The following FKBP5 variants were observed in gnomAD, a reference collection of about 807,000 sequenced individuals.
FKBP5 encodes FKBP prolyl isomerase 5, also known as peptidyl-prolyl cis-trans isomerase FKBP5.
In FKBP5, 23 loss-of-function variants were observed where a neutral mutation model predicts 50.5. The observed-to-expected ratio is 0.46, with a 90% CI of 0.33 to 0.65. The LOEUF is 0.65. FKBP5 is among the 30% of genes least tolerant of loss of function. The pLI is 0.02. For missense variants in FKBP5, 411 were observed against 553.1 expected (o/e 0.74, Z 2.58); for synonymous variants, 176 against 190.6 (o/e 0.92, Z 0.63).
chr6:35,720,683 A>C (rs949979113), intron 1 of FKBP5: 2 of 152,248 alleles, frequency 1.3e-5, no homozygotes, highest in Non-Finnish European at 2.9e-5. Context: ...TGCCTGTCTC[A>C]TGCATCAGAG....
chr6:35,581,958 T>C (rs915994783), intron 8 of FKBP5: 14 of 985,312 alleles, frequency 1.4e-5, no homozygotes, highest in South Asian at 4.7e-5. Flanking sequence ...AGAAAAACCA[T>C]AGAGCAGGTC....
At position 35,707,463 on chromosome 6, in the gene FKBP5, C is replaced by T. The variant is rs191161449; in HGVS notation, c.-20+12865G>A. Among the ~76,000 whole-genome samples the T allele has an allele frequency of 5.1e-3, 780 of 152,030 alleles. 3 individuals are homozygous for T. The highest frequency in any genetic ancestry group is 8.8e-3 in the Non-Finnish European group (599 of 67,938). On this transcript the variant is annotated intron_variant, in intron 2 of 11. Coordinates refer to the FKBP5 transcript ENST00000536438. ...CTCGAACTCCTGACCTCAGGTAATC[C>T]GCCCGCCTCGGCCTCCCAAAGTGCT...
At chr6:35,670,101 ATAAAT>A (rs1006830497) in intron 1 of FKBP5, among the ~76,000 whole-genome samples, 2 of 152,220 alleles carry the variant, frequency 1.3e-5, no homozygotes, top group Non-Finnish European at 2.9e-5. Flanking sequence ...AATATAAATT[ATAAAT>A]TAAAGAAAAC....
At chr6:35,631,954 CAAAAAAAAAA>C (rs763457961) in intron 3 of FKBP5, among the ~76,000 whole-genome samples, 21 of 63,778 alleles carry the variant, frequency 3.3e-4, no homozygotes, top group African/African-American at 8.8e-4. Context: ...GACTCTGTCT[CAAAAAAAAAA>C]AAAAAAAAAA....
intron 5 of FKBP5, among the ~76,000 whole-genome samples, chr6:35,615,526 C>T (rs762020821): frequency 1.3e-5 from 2 of 151,910 alleles, no homozygotes; most frequent in Non-Finnish European, 2.9e-5. Flanking sequence ...AAATCTGGGA[C>T]AATGTGAACA....
chr6:35,644,974 G>A (rs1048945017), intron 1 of FKBP5, among the ~76,000 whole-genome samples: 11 of 152,142 alleles, frequency 7.2e-5, no homozygotes, highest in African/African-American at 2.7e-4. Flanking sequence ...TATTGGGAAA[G>A]TACCCCACAG....
intron 1 of FKBP5, among the ~76,000 whole-genome samples, chr6:35,722,178 T>A (rs1766623099): frequency 6.6e-6 from 1 of 151,216 alleles, no homozygotes; most frequent in Admixed American, 6.6e-5. Flanking sequence ...TTTGTTCTGT[T>A]TTTTTTTTAT....
chr6:35,612,104 G>T (rs1054152902), intron 5 of FKBP5, among the ~76,000 whole-genome samples: 1 of 151,966 alleles, frequency 6.6e-6, no homozygotes, highest in African/African-American at 2.4e-5. Flanking sequence ...AGAAAAAGAG[G>T]AGTCAGCCAG....
intron 1 of FKBP5, among the ~76,000 whole-genome samples, chr6:35,648,691 G>T (rs1764700139): frequency 6.6e-6 from 1 of 152,180 alleles, no homozygotes; most frequent in South Asian, 2.1e-4. Flanking sequence ...GCTCAAGCCT[G>T]TAATCCTAGC....
chr6:35,713,348 G>A (rs1766449496), intron 2 of FKBP5, among the ~76,000 whole-genome samples: 1 of 152,232 alleles, frequency 6.6e-6, no homozygotes, highest in African/African-American at 2.4e-5. Context: ...GCCTCATTAT[G>A]AAGACCGTTG....
At chr6:35,687,505 G>A (rs1765861120) in intron 1 of FKBP5, among the ~76,000 whole-genome samples, 1 of 152,106 alleles carries the variant, frequency 6.6e-6, no homozygotes, top group Non-Finnish European at 1.5e-5. Context: ...AAACCCTTAT[G>A]GAGGAGGTGG....
intron 2 of FKBP5, among the ~76,000 whole-genome samples, chr6:35,715,298 G>A (rs1376630195): frequency 6.6e-6 from 1 of 152,138 alleles, no homozygotes; most frequent in Non-Finnish European, 1.5e-5. Context: ...TACTAGGCAC[G>A]TCAGCTTAGG....
intron 1 of FKBP5, among the ~76,000 whole-genome samples, chr6:35,672,134 C>T (rs1313648577): frequency 6.6e-6 from 1 of 152,134 alleles, no homozygotes. Flanking sequence ...TCCCAAAGTG[C>T]TGGGATTACA....
At chr6:35,662,683 C>T (rs1765104993) in intron 1 of FKBP5, among the ~76,000 whole-genome samples, 1 of 152,082 alleles carries the variant, frequency 6.6e-6, no homozygotes, top group African/African-American at 2.4e-5. Flanking sequence ...ACAAGGATTA[C>T]CTAGCTATCA....
At chr6:35,628,825 C>G (rs1764071095) in intron 3 of FKBP5, among the ~76,000 whole-genome samples, 1 of 152,148 alleles carries the variant, frequency 6.6e-6, no homozygotes, top group South Asian at 2.1e-4. Flanking sequence ...TCAAGTGATT[C>G]TCCTGCCTCA....
At chr6:35,582,759 A>G in intron 8 of FKBP5, 3 of 985,192 alleles carry the variant, frequency 3.0e-6, no homozygotes, top group Non-Finnish European at 3.6e-6. Context: ...AGTCCTCACC[A>G]GTTTCAGGTC....
At chr6:35,658,312 C>T (rs943399211) in intron 1 of FKBP5, among the ~76,000 whole-genome samples, 1 of 151,450 alleles carries the variant, frequency 6.6e-6, no homozygotes, top group Non-Finnish European at 1.5e-5. Flanking sequence ...GGAGGCAGAG[C>T]TTGCAGTGAG....
At chr6:35,649,588 A>G (rs1764731919) in intron 1 of FKBP5, among the ~76,000 whole-genome samples, 1 of 152,224 alleles carries the variant, frequency 6.6e-6, no homozygotes, top group South Asian at 2.1e-4. Context: ...TATTGTAAAC[A>G]TGAAAGTTAA....
In FKBP5 at chr6:35,637,122, T is replaced by G. The variant is rs372285993; in HGVS notation, c.142A>C (p.Met48Leu). ...KRVGNGEETP[M>L]IGDKVYVHYK... is the part of the protein sequence containing the mutation. ...TGGACATAAACTTTGTCTCCAATCA[T>G]CGGCGTTTCCTCACCATTCCCCACT... is the stretch of plus-strand genomic sequence containing the variant. The change falls in exon 3 of 11, where the codon ATG becomes CTG. Residue 48 changes from methionine (M) to leucine (L), a missense_variant. Physicochemically the swap from Met to Leu is conservative, Grantham distance 15. This residue lies in a region of FKBP5 where 56 missense variants were observed against 58.2 expected (regional missense o/e 0.96). Coordinates refer to ENST00000357266, the MANE Select transcript of FKBP5 (RefSeq NM_004117.4). The G allele has an allele frequency of 3.1e-6, 5 of 1,610,420 alleles. No individual in the cohort carries two copies. Among genetic ancestry groups the G allele is most frequent in the Middle Eastern group, 1.6e-4 (1 of 6,076 alleles).
Sources: gnomAD v4.1 joint callset for allele counts (sites outside exome capture counted in the v4.1 genomes callset) on GRCh38, gnomAD v4.1.1 for gene constraint, gnomAD v4.1.1 regional missense constraint, MANE v1.5 for transcripts, NCBI Gene and HGNC (gene_info 2026-07-23, HGNC 2026-07-21) for gene names.